The following CACNG2 variants were observed in gnomAD, a reference collection of about 807,000 sequenced individuals.
The protein encoded by CACNG2 is voltage-dependent calcium channel gamma-2 subunit.
In CACNG2, 3 loss-of-function variants were observed where a neutral mutation model predicts 25.9. The observed-to-expected ratio is 0.12, with a 90% CI of 0.05 to 0.30. CACNG2 has a LOEUF of 0.30. Among genes scored for constraint, CACNG2 ranks in the 10% least tolerant of loss-of-function variants. The probability of loss-of-function intolerance (pLI) is 1.00; values close to 1 mark genes in which losing one functional copy is unlikely to be tolerated. For missense variants in CACNG2, 341 were observed against 432.5 expected, an observed-to-expected ratio of 0.79 and a Z score of 1.88; for synonymous variants, 167 against 173.3, an observed-to-expected ratio of 0.96 and a Z score of 0.29.
At chr22:36,662,233 C>T (rs1331819357) in intron 1 of CACNG2, among the ~76,000 whole-genome samples, 3 of 151,998 alleles carry the variant, frequency 2.0e-5, no homozygotes, top group South Asian at 4.1e-4. Context: ...CCTCCTGCCT[C>T]GTCCTCCCAA....
intron 1 of CACNG2, among the ~76,000 whole-genome samples, chr22:36,653,913 GT>G (rs1226625250): frequency 8.9e-6 from 1 of 112,358 alleles, no homozygotes; most frequent in African/African-American, 3.9e-5. Flanking sequence ...CATGACAGAC[GT>G]TAGATTTTTT....
intron 1 of CACNG2, among the ~76,000 whole-genome samples, chr22:36,591,947 GGA>G (rs1158689123): frequency 1.3e-5 from 2 of 152,040 alleles, no homozygotes; most frequent in Non-Finnish European, 2.9e-5. Flanking sequence ...GAAGGGTTGG[GGA>G]CGGGAGGACA....
At chr22:36,668,449 G>A (rs1327573527) in intron 1 of CACNG2, among the ~76,000 whole-genome samples, 2 of 152,112 alleles carry the variant, frequency 1.3e-5, no homozygotes, top group African/African-American at 4.8e-5. Flanking sequence ...AGCTGGTGGT[G>A]CGATTTGGTC....
intron 1 of CACNG2, among the ~76,000 whole-genome samples, chr22:36,616,316 C>T (rs1936021383): frequency 6.6e-6 from 1 of 151,904 alleles, no homozygotes; most frequent in African/African-American, 2.4e-5. Context: ...TAAAATTCTC[C>T]CTTGTTAGAA....
intron 1 of CACNG2, among the ~76,000 whole-genome samples, chr22:36,696,691 T>C (rs1169688034): frequency 6.6e-6 from 1 of 152,048 alleles, no homozygotes; most frequent in Non-Finnish European, 1.5e-5. Context: ...TACAAGGTGG[T>C]AAGTACTCTG....
chr22:36,586,277 A>G (rs1216330770), intron 2 of CACNG2, among the ~76,000 whole-genome samples: 1 of 152,234 alleles, frequency 6.6e-6, no homozygotes, highest in Non-Finnish European at 1.5e-5. Context: ...GGGCTCCTGC[A>G]GCCCCACCCC....
intron 1 of CACNG2, among the ~76,000 whole-genome samples, chr22:36,598,727 C>T (rs1038205015): frequency 5.9e-5 from 9 of 151,934 alleles, no homozygotes; most frequent in Non-Finnish European, 4.4e-5. Flanking sequence ...GCCTGTAATC[C>T]CAGCACTTTG....
chr22:36,636,266 T>G (rs1432413664), intron 1 of CACNG2, among the ~76,000 whole-genome samples: 1 of 152,174 alleles, frequency 6.6e-6, no homozygotes, highest in African/African-American at 2.4e-5. Flanking sequence ...AGCTGTTCCC[T>G]CTGCTCAGAA....
At chr22:36,629,902 G>A (rs1936242298) in intron 1 of CACNG2, among the ~76,000 whole-genome samples, 1 of 152,198 alleles carries the variant, frequency 6.6e-6, no homozygotes, top group Admixed American at 6.5e-5. Context: ...AAAGCCTACA[G>A]GAAGGAATAA....
At chr22:36,631,469 T>C (rs1936269926) in intron 1 of CACNG2, among the ~76,000 whole-genome samples, 1 of 152,248 alleles carries the variant, frequency 6.6e-6, no homozygotes, top group African/African-American at 2.4e-5. Flanking sequence ...CAGGATGGTC[T>C]TCCTGTCCAG....
chr22:36,592,050 T>C lies in CACNG2; in HGVS notation c.212-4502A>G, dbSNP rs182720021. ...AGGTCACTTCTGAGATTCTGTGGTT[T>C]TCTCTGGCCACATTTGTGGCATGGG... On this transcript the variant is annotated intron_variant, in intron 1 of 3. Coordinates refer to ENST00000300105, the MANE Select transcript of CACNG2 (RefSeq NM_006078.5). 1.3e-4 allele frequency among the ~76,000 whole-genome samples: 19 copies of C among 151,986 alleles called. 1 individual carries two copies. In the South Asian group the frequency reaches 2.3e-3, roughly 18 times the overall value.
In CACNG2 at chr22:36,628,704, GT is replaced by G. The variant is rs563122882; in HGVS notation, c.212-41157del. Among the ~76,000 whole-genome samples the G allele has an allele frequency of 5.1e-3, 780 of 152,240 alleles. 3 individuals are homozygous for G. Among genetic ancestry groups the G allele is most frequent in the Middle Eastern group, 0.01 (3 of 294 alleles). Reference sequence around the variant, plus strand: ...AGAACTCCCCTAGAAAGCTCTGATTGTTTGGGTTCACTGGCAGGAAAGTGTG... The same window carrying G: ...AGAACTCCCCTAGAAAGCTCTGATTGTTGGGTTCACTGGCAGGAAAGTGTG... On this transcript the variant is annotated intron_variant, in intron 1 of 3. Coordinates refer to ENST00000300105, the MANE Select transcript of CACNG2 (RefSeq NM_006078.5).
At chr22:36,655,427 A>AGTTCG (rs1359963090) in intron 1 of CACNG2, among the ~76,000 whole-genome samples, 2 of 152,118 alleles carry the variant, frequency 1.3e-5, no homozygotes, top group East Asian at 3.9e-4. Context: ...GTTTCTTCAT[A>AGTTCG]GTTCTATTTT....
chr22:36,597,447 C>T (rs1465537477), intron 1 of CACNG2, among the ~76,000 whole-genome samples: 4 of 152,234 alleles, frequency 2.6e-5, no homozygotes, highest in Admixed American at 2.0e-4. Context: ...TGTGACCTCT[C>T]TGTGCCTCAG....
intron 1 of CACNG2, among the ~76,000 whole-genome samples, chr22:36,686,439 A>G (rs1269987338): frequency 6.6e-6 from 1 of 152,140 alleles, no homozygotes; most frequent in African/African-American, 2.4e-5. Context: ...TGTGGGAGAG[A>G]TAGGGGAGCC....
At chr22:36,603,829 G>A (rs1157890119) in intron 1 of CACNG2, among the ~76,000 whole-genome samples, 1 of 152,192 alleles carries the variant, frequency 6.6e-6, no homozygotes, top group African/African-American at 2.4e-5. Flanking sequence ...GTTCTCAAGA[G>A]CTCTGATGGA....
intron 2 of CACNG2, among the ~76,000 whole-genome samples, chr22:36,570,387 A>C (rs1569015846): frequency 6.6e-6 from 1 of 152,188 alleles, no homozygotes; most frequent in Non-Finnish European, 1.5e-5. Flanking sequence ...CCAGCGGGGA[A>C]TACAAACAGA....
At chr22:36,627,279 CGTGTGTGTGTGT>C (rs58015913) in intron 1 of CACNG2, among the ~76,000 whole-genome samples, 12 of 131,146 alleles carry the variant, frequency 9.2e-5, no homozygotes, top group African/African-American at 1.7e-4. Flanking sequence ...AGAGTGGGGA[CGTGTGTGTGTGT>C]GTGTGTGTGT....
intron 1 of CACNG2, among the ~76,000 whole-genome samples, chr22:36,659,344 G>A (rs1471013202): frequency 6.6e-6 from 1 of 152,068 alleles, no homozygotes; most frequent in Non-Finnish European, 1.5e-5. Context: ...CCCCCATGGC[G>A]ACCCTGATGC....
Sources: allele counts gnomAD v4.1 joint callset (sites outside exome capture counted in the v4.1 genomes callset), GRCh38; gene constraint gnomAD v4.1.1; transcripts MANE v1.5; gene names NCBI Gene and HGNC (gene_info 2026-07-23, HGNC 2026-07-21).